Variants in BANK1 observed in about 807,000 individuals in gnomAD.
BANK1 encodes the protein B-cell scaffold protein with ankyrin repeats.
In BANK1, 95 loss-of-function variants were observed where a neutral mutation model predicts 94.5. That is an observed-to-expected ratio of 1.00 (90% CI 0.85 to 1.19). The LOEUF is 1.19. BANK1 is among the 50% of genes most tolerant of loss of function. The probability of loss-of-function intolerance (pLI) is 0.00; values close to 1 mark genes in which losing one functional copy is unlikely to be tolerated. For missense variants in BANK1, 987 were observed against 932.2 expected (o/e 1.06, Z -0.77); for synonymous variants, 334 against 308.4 (o/e 1.08, Z -0.87).
intron 7 of BANK1, among the ~76,000 whole-genome samples, chr4:101,920,464 C>G (rs780684547): frequency 1.3e-5 from 2 of 151,892 alleles, no homozygotes; most frequent in Non-Finnish European, 2.9e-5. Context: ...CATTATACTA[C>G]TAAAATACTT....
At chr4:102,067,269 G>T (rs1489067186) in intron 13 of BANK1, among the ~76,000 whole-genome samples, 1 of 151,926 alleles carries the variant, frequency 6.6e-6, no homozygotes, top group Non-Finnish European at 1.5e-5. Context: ...GAAAAGTGAG[G>T]AACCAAGAAC....
intron 2 of BANK1, among the ~76,000 whole-genome samples, chr4:101,850,958 A>G (rs1727452115): frequency 6.6e-6 from 1 of 152,084 alleles, no homozygotes; most frequent in Non-Finnish European, 1.5e-5. Context: ...ACAAAACACT[A>G]TTGAAATTAG....
intron 7 of BANK1, among the ~76,000 whole-genome samples, chr4:101,955,794 TTA>T (rs1447571480): frequency 6.6e-6 from 1 of 152,198 alleles, no homozygotes; most frequent in Non-Finnish European, 1.5e-5. Context: ...AACTTTATGA[TTA>T]TGAGTCTGTG....
In BANK1 at chr4:102,073,722, C is replaced by A. The variant is rs1396849182; in HGVS notation, c.2337C>A (p.Phe779Leu). ...CCCAAGTTGAAAAGGAATTTGGTTTCTGTTGCAAGAAAGATCATTAAAGAA... is the reference window on the plus strand; with the variant it reads ...CCCAAGTTGAAAAGGAATTTGGTTTATGTTGCAAGAAAGATCATTAAAGAA... ...ARPQVEKEFG[F>L]CCKKDH The change falls in exon 16 of 17, where the codon TTC (phenylalanine) becomes TTA (leucine). Residue 779 changes from phenylalanine to leucine, a missense_variant. Physicochemically the swap from Phe to Leu is conservative, Grantham distance 22 (BLOSUM62 0). Transcript: ENST00000322953. The A allele has an allele frequency of 6.2e-7, 1 of 1,611,040 alleles. No individual in the cohort carries two copies. The highest frequency in any genetic ancestry group is 1.7e-5 in the Admixed American group (1 of 59,718).
Position 101,935,553 on chromosome 4 carries a change from T to A in BANK1, c.1206+17364T>A, listed in dbSNP as rs550846682. ...TTGAAAGTGGGGGAGTTAAAAGGAA[T>A]CTTTTCTGAATTCAACACATTTATT... On this transcript the variant is annotated intron_variant, in intron 7 of 16. Transcript: ENST00000322953. Among the ~76,000 whole-genome samples the A allele has an allele frequency of 2.2e-3, 337 of 151,680 alleles. 16 individuals carry two copies. In the South Asian group the frequency reaches 0.068, roughly 31 times the overall value.
Position 101,816,042 on chromosome 4 carries a change from G to A in BANK1, c.71-13766G>A, listed in dbSNP as rs555547582. 2.4e-4 allele frequency among the ~76,000 whole-genome samples: 37 copies of A among 152,260 alleles called. 1 individual carries two copies. In the South Asian group the frequency reaches 6.8e-3, roughly 28 times the overall value. On this transcript the variant is annotated intron_variant, in intron 1 of 16. Coordinates refer to ENST00000322953, the MANE Select transcript of BANK1 (RefSeq NM_017935.5). ...TGTGTTTGTGGAAAGTGCTTTGCCA[G>A]AGGACAAGGAATTTCCAAGATGAGT...
At chr4:102,003,178 A>C (rs1363964936) in intron 7 of BANK1, among the ~76,000 whole-genome samples, 3 of 152,178 alleles carry the variant, frequency 2.0e-5, no homozygotes, top group Non-Finnish European at 4.4e-5. Context: ...GAATACACTA[A>C]GTAGAGGTTT....
At chr4:101,977,218 T>A (rs532630311) in intron 7 of BANK1, 1 of 152,258 alleles carries the variant, frequency 6.6e-6, no homozygotes, top group Non-Finnish European at 1.5e-5. Flanking sequence ...GGACCCAGCC[T>A]GGCAGACTTC....
intron 5 of BANK1, among the ~76,000 whole-genome samples, chr4:101,877,013 GAA>G (rs200910512): frequency 2.9e-5 from 4 of 138,838 alleles, no homozygotes; most frequent in African/African-American, 7.7e-5. Context: ...AGGAGAAAAA[GAA>G]AAAAAAAAAG....
intron 7 of BANK1, among the ~76,000 whole-genome samples, chr4:101,930,998 C>T (rs547712655): frequency 6.6e-6 from 1 of 151,522 alleles, no homozygotes; most frequent in African/African-American, 2.4e-5. Flanking sequence ...GACTAAAGCA[C>T]CTCTCAGAAT....
intron 4 of BANK1, among the ~76,000 whole-genome samples, chr4:101,869,329 TGCTGTA>T (rs1217624332): frequency 6.6e-6 from 1 of 151,986 alleles, no homozygotes; most frequent in Non-Finnish European, 1.5e-5. Flanking sequence ...ATATGCGTAC[TGCTGTA>T]GCTGATGAGA....
intron 7 of BANK1, among the ~76,000 whole-genome samples, chr4:101,984,333 G>C (rs1725415927): frequency 6.6e-6 from 1 of 151,900 alleles, no homozygotes; most frequent in Admixed American, 6.6e-5. Flanking sequence ...AGAATATGGT[G>C]GGATTTTATG....
At chr4:102,016,953 G>A (rs1726723360) in intron 7 of BANK1, among the ~76,000 whole-genome samples, 1 of 152,128 alleles carries the variant, frequency 6.6e-6, no homozygotes, top group Non-Finnish European at 1.5e-5. Context: ...AAAAAGAAAG[G>A]AGGGACAAAG....
At position 101,955,187 on chromosome 4, in the gene BANK1, C is replaced by T. The variant is rs2276333; in HGVS notation, c.1206+36998C>T. 5.6e-3 allele frequency among the ~76,000 whole-genome samples: 851 copies of T among 152,064 alleles called. 14 individuals carry two copies. The East Asian group carries it at 0.057, about 10-fold the overall frequency. On this transcript the variant is annotated intron_variant, in intron 7 of 16. Transcript: ENST00000322953. ...GAGCACATTAGACCAAGCGAGCAGC[C>T]AGAAACAGCAATAAAATCATTACTA... is the stretch of plus-strand genomic sequence containing the variant.
chr4:101,793,209 G>A (rs947885496), intron 1 of BANK1, among the ~76,000 whole-genome samples: 1 of 152,116 alleles, frequency 6.6e-6, no homozygotes, highest in Non-Finnish European at 1.5e-5. Flanking sequence ...TACTTGTAAG[G>A]AACATGGTTT....
intron 6 of BANK1, among the ~76,000 whole-genome samples, chr4:101,900,686 T>C (rs951547667): frequency 6.6e-6 from 1 of 152,180 alleles, no homozygotes; most frequent in African/African-American, 2.4e-5. Flanking sequence ...ATAAAATAAA[T>C]ATCAATGCTG....
intron 11 of BANK1, among the ~76,000 whole-genome samples, chr4:102,052,113 CTTTT>C (rs199811166): frequency 9.6e-6 from 1 of 103,992 alleles, no homozygotes; most frequent in Admixed American, 9.5e-5. Flanking sequence ...TTCTTTTTTT[CTTTT>C]TTTTTTTTTT....
At chr4:101,886,999 G>A (rs1350835567) in intron 5 of BANK1, among the ~76,000 whole-genome samples, 1 of 152,152 alleles carries the variant, frequency 6.6e-6, no homozygotes. Context: ...GCTAGGTGTA[G>A]CCATATGACT....
chr4:101,823,517 G>A (rs961586120), intron 1 of BANK1, among the ~76,000 whole-genome samples: 2 of 152,136 alleles, frequency 1.3e-5, no homozygotes, highest in Non-Finnish European at 2.9e-5. Flanking sequence ...AATTTTTTCA[G>A]TTGGTACTTT....
Sources: gnomAD v4.1 joint callset for allele counts (sites outside exome capture counted in the v4.1 genomes callset) on GRCh38, gnomAD v4.1.1 for gene constraint, MANE v1.5 for transcripts, NCBI Gene and HGNC (gene_info 2026-07-23, HGNC 2026-07-21) for gene names.